KCNT2: variants seen among roughly 807,000 people sequenced by gnomAD.
KCNT2 encodes the protein potassium sodium-activated channel subfamily T member 2, also known as potassium channel subfamily T member 2.
In KCNT2, 67 loss-of-function variants were observed where a neutral mutation model predicts 153.8. The ratio of observed to expected loss-of-function variants is 0.44; its 90% CI spans 0.36 to 0.53. The LOEUF (loss-of-function observed/expected upper bound fraction) is 0.53, where lower values mean the gene tolerates loss of function less well. Among genes scored for constraint, KCNT2 ranks in the 20% least tolerant of loss-of-function variants. KCNT2 has a pLI of 0.00. For synonymous variants in KCNT2, 500 were observed against 458.8 expected (o/e 1.09, Z -1.15); for missense variants, 975 against 1,354.8 (o/e 0.72, Z 4.40).
At chr1:196,340,289 ATT>A in intron 16 of KCNT2, 50 bp downstream of exon 16, 1 of 1,102,288 alleles carries the variant, frequency 9.1e-7, no homozygotes, top group Non-Finnish European at 1.3e-6. Context: ...ATTTATCATT[ATT>A]TTTTATTTTA....
rs879365959 is a variant in KCNT2, at chr1:196,316,740, CA to C, written c.2349-715del. ...AGTCAGTCTTCTTCCCTATCACTGA[CA>C]AAAAAAAAAATCTTACCTATCATTC... On this transcript the variant is annotated intron_variant, in intron 20 of 27. Transcript: ENST00000294725. Among the ~76,000 whole-genome samples, 757 of 141,422 alleles carry C rather than the reference CA, an allele frequency of 5.4e-3. 4 individuals carry two copies. Among genetic ancestry groups the C allele is most frequent in the African/African-American group, 0.017 (680 of 38,994 alleles). 92.8% of individuals were successfully genotyped at this position (141,422 alleles called of 152,430 possible).
chr1:196,594,171 A>G (rs1433683487), intron 1 of KCNT2, among the ~76,000 whole-genome samples: 1 of 152,124 alleles, frequency 6.6e-6, no homozygotes, highest in African/African-American at 2.4e-5. Context: ...TTCCCTGTGT[A>G]AATTTCAGAA....
intron 27 of KCNT2, among the ~76,000 whole-genome samples, chr1:196,233,028 TAAAAG>T (rs1381041176): frequency 6.6e-6 from 1 of 151,236 alleles, no homozygotes; most frequent in Admixed American, 6.6e-5. Context: ...CTTATGGACT[TAAAAG>T]AAAAAAGACA....
At chr1:196,431,232 G>A (rs544766183) in intron 8 of KCNT2, among the ~76,000 whole-genome samples, 15 of 152,100 alleles carry the variant, frequency 9.9e-5, no homozygotes, top group African/African-American at 1.9e-4. Flanking sequence ...TGTTACAGCA[G>A]CACAAATGAA....
At chr1:196,251,111 C>G (rs1369662047) in intron 26 of KCNT2, among the ~76,000 whole-genome samples, 1 of 152,086 alleles carries the variant, frequency 6.6e-6, no homozygotes, top group Admixed American at 6.6e-5. Context: ...ATCCAGCATT[C>G]TCACTGCTAG....
At chr1:196,360,020 T>A (rs1433804039) in intron 14 of KCNT2, among the ~76,000 whole-genome samples, 1 of 152,070 alleles carries the variant, frequency 6.6e-6, no homozygotes. Flanking sequence ...AGGGTCAACA[T>A]CCAGATTCCT....
chr1:196,401,086 T>C (rs189690130), intron 12 of KCNT2, among the ~76,000 whole-genome samples: 2 of 151,902 alleles, frequency 1.3e-5, no homozygotes, highest in East Asian at 3.9e-4. Flanking sequence ...TAAACATCTT[T>C]GGCTGACCTC....
chr1:196,278,045 A>G (rs1658743489), intron 25 of KCNT2, among the ~76,000 whole-genome samples: 1 of 152,166 alleles, frequency 6.6e-6, no homozygotes, highest in Non-Finnish European at 1.5e-5. Context: ...AAATCTCCAA[A>G]TTCAGGAAGC....
intron 23 of KCNT2, among the ~76,000 whole-genome samples, chr1:196,284,360 A>G (rs1180131499): frequency 2.1e-5 from 3 of 144,274 alleles, no homozygotes; most frequent in Non-Finnish European, 4.6e-5. Context: ...AACGTGAGGC[A>G]AAAACAAAGA....
chr1:196,492,235 C>A, intron 2 of KCNT2, 27 bp downstream of exon 2: 1 of 1,395,320 alleles, frequency 7.2e-7, no homozygotes, highest in Non-Finnish European at 9.4e-7. Flanking sequence ...TATGTACGAA[C>A]AGAGGGGAAT....
chr1:196,575,301 G>A (rs905766597), intron 1 of KCNT2, among the ~76,000 whole-genome samples: 1 of 151,924 alleles, frequency 6.6e-6, no homozygotes, highest in Non-Finnish European at 1.5e-5. Context: ...TAATTCAATG[G>A]TATCTATATT....
intron 3 of KCNT2, among the ~76,000 whole-genome samples, chr1:196,482,790 G>A (rs1679116153): frequency 6.6e-6 from 1 of 151,904 alleles, no homozygotes; most frequent in Non-Finnish European, 1.5e-5. Context: ...AAAAAAATCA[G>A]TAACAGAGTA....
intron 12 of KCNT2, among the ~76,000 whole-genome samples, chr1:196,408,586 T>A (rs1169333642): frequency 6.6e-6 from 1 of 151,684 alleles, no homozygotes; most frequent in Non-Finnish European, 1.5e-5. Context: ...CTGCATTCCA[T>A]ACAATTTAAT....
At chr1:196,469,248 C>T (rs1337904805) in intron 5 of KCNT2, among the ~76,000 whole-genome samples, 180 bp from the exon 6 acceptor site, 1 of 152,064 alleles carries the variant, frequency 6.6e-6, no homozygotes, top group African/African-American at 2.4e-5. Context: ...TAATTGTGCT[C>T]TCTCAATTTT....
intron 24 of KCNT2, among the ~76,000 whole-genome samples, chr1:196,281,225 T>A (rs1355600084): frequency 6.6e-6 from 1 of 152,188 alleles, no homozygotes; most frequent in Non-Finnish European, 1.5e-5. Context: ...CCAAGTAATA[T>A]TTCATGCTTA....
chr1:196,543,810 C>G (rs1656702392), intron 1 of KCNT2, among the ~76,000 whole-genome samples: 1 of 152,208 alleles, frequency 6.6e-6, no homozygotes. Context: ...GTAGGTGGTA[C>G]AGCCACGCTG....
intron 12 of KCNT2, among the ~76,000 whole-genome samples, chr1:196,402,047 G>A (rs1671458649): frequency 6.6e-6 from 1 of 151,264 alleles, no homozygotes; most frequent in Non-Finnish European, 1.5e-5. Context: ...TATGAAACCA[G>A]AACTTTACAT....
chr1:196,286,165 T>C (rs1571910939), intron 22 of KCNT2, among the ~76,000 whole-genome samples: 1 of 152,040 alleles, frequency 6.6e-6, no homozygotes, highest in African/African-American at 2.4e-5. Context: ...AATAGGGAGG[T>C]AGGCACCTGT....
intron 1 of KCNT2, among the ~76,000 whole-genome samples, chr1:196,510,301 G>C (rs901068337): frequency 1.3e-5 from 2 of 152,082 alleles, no homozygotes; most frequent in African/African-American, 2.4e-5. Flanking sequence ...ACTATGCAGA[G>C]CACATAGCCA....
Sources: allele counts gnomAD v4.1 joint callset (sites outside exome capture counted in the v4.1 genomes callset), GRCh38; gene constraint gnomAD v4.1.1; transcripts MANE v1.5; gene names NCBI Gene and HGNC (gene_info 2026-07-23, HGNC 2026-07-21).